ABCD3: variants seen among roughly 807,000 people sequenced by gnomAD.
ABCD3 encodes the protein ATP-binding cassette sub-family D member 3.
In ABCD3, 41 loss-of-function variants were observed where a neutral mutation model predicts 105.5. The ratio of observed to expected loss-of-function variants is 0.39; its 90% CI spans 0.30 to 0.50. ABCD3 has a LOEUF of 0.50. Among genes scored for constraint, ABCD3 ranks in the 20% least tolerant of loss-of-function variants. The probability of loss-of-function intolerance (pLI) is 0.84; values close to 1 mark genes in which losing one functional copy is unlikely to be tolerated. For missense variants in ABCD3, 622 were observed against 806.3 expected (o/e 0.77, Z 2.77); for synonymous variants, 258 against 269.0 (o/e 0.96, Z 0.40).
intron 8 of ABCD3, chr1:94,480,160 T>C: frequency 2.7e-6 from 1 of 376,690 alleles, no homozygotes; most frequent in Non-Finnish European, 4.8e-6. Context: ...TCAAGAAGAG[T>C]TCCAACAGGA....
intron 1 of ABCD3, among the ~76,000 whole-genome samples, chr1:94,438,365 T>C (rs2100907199): frequency 6.7e-6 from 1 of 150,298 alleles, no homozygotes; most frequent in East Asian, 2.0e-4. Flanking sequence ...GATGAAGAGT[T>C]GCCTCTTATG....
the ABCD3 span, among the ~76,000 whole-genome samples, chr1:94,392,982 C>T: frequency 3.5e-4 from 53 of 151,830 alleles, 2 homozygotes; most frequent in South Asian, 8.8e-3. Context: ...TGTGGTGGCG[C>T]GCACCTGTAA....
intron 13 of ABCD3, 110 bp from the exon 14 acceptor site, chr1:94,489,615 G>T (rs1020079539): frequency 5.9e-5 from 46 of 778,758 alleles, no homozygotes; most frequent in Non-Finnish European, 9.8e-5. Context: ...AGACTGTTAG[G>T]TTACTTCATT....
chr1:94,394,753 A>G, the ABCD3 span, among the ~76,000 whole-genome samples: 1 of 152,206 alleles, frequency 6.6e-6, no homozygotes, highest in Non-Finnish European at 1.5e-5. Flanking sequence ...GTTGTAACTT[A>G]GTACAAGAGA....
At chr1:94,406,356 TTACAGTCCAGTGGGTTG>T in the ABCD3 span, 1 of 223,106 alleles carries the variant, frequency 4.5e-6, no homozygotes. Flanking sequence ...TTTTTTTTTT[TTACAGTCCAGTGGGTTG>T]TTGTTGTTGT....
Position 94,512,978 on chromosome 1 carries a change from G to A in ABCD3, c.1846-2168G>A, listed in dbSNP as rs560661141. 3.2e-4 allele frequency among the ~76,000 whole-genome samples: 48 copies of A among 152,158 alleles called. 1 individual carries two copies. The highest frequency in any genetic ancestry group is 3.4e-3 in the Middle Eastern group (1 of 294). ...TGATCAGCAGCAGCAGTGTCACCTAGGGGTTTGTTAGAAATGCAGAATTTC... is the reference window on the plus strand; with the variant it reads ...TGATCAGCAGCAGCAGTGTCACCTAAGGGTTTGTTAGAAATGCAGAATTTC... On this transcript the variant is annotated intron_variant, in intron 21 of 22. Coordinates refer to ENST00000370214, the MANE Select transcript of ABCD3 (RefSeq NM_002858.4).
chr1:94,462,429 CT>C (rs1647925051), intron 2 of ABCD3, among the ~76,000 whole-genome samples: 1 of 152,108 alleles, frequency 6.6e-6, no homozygotes, highest in African/African-American at 2.4e-5. Flanking sequence ...GAATTCAGCC[CT>C]TCTGAGCCAG....
chr1:94,512,728 T>C (rs749822262), intron 21 of ABCD3, among the ~76,000 whole-genome samples: 10 of 152,102 alleles, frequency 6.6e-5, no homozygotes, highest in Admixed American at 1.3e-4. Flanking sequence ...AATTATTCAA[T>C]AGTATCAGTT....
At chr1:94,426,795 T>A (rs756323800) in intron 1 of ABCD3, among the ~76,000 whole-genome samples, 3 of 151,436 alleles carry the variant, frequency 2.0e-5, no homozygotes, top group African/African-American at 4.9e-5. Flanking sequence ...TCTGCCTACC[T>A]CGGCCTCCCA....
intron 1 of ABCD3, among the ~76,000 whole-genome samples, chr1:94,455,039 A>G (rs1012261385): frequency 1.3e-5 from 2 of 152,238 alleles, no homozygotes; most frequent in Admixed American, 1.3e-4. Context: ...GGTTATCTGA[A>G]TGACTACCAT....
At chr1:94,417,968 C>G (rs1485584639), upstream of ABCD3, among the ~76,000 whole-genome samples, 1 of 152,226 alleles carries the variant, frequency 6.6e-6, no homozygotes, top group African/African-American at 2.4e-5. Flanking sequence ...GTTTTCCCTA[C>G]ACGCTCTGTG....
intron 1 of ABCD3, among the ~76,000 whole-genome samples, chr1:94,436,939 C>G (rs561296772): frequency 1.1e-4 from 16 of 152,304 alleles, no homozygotes; most frequent in African/African-American, 3.6e-4. Flanking sequence ...GATAGAAGAT[C>G]AAACCAGCTG....
chr1:94,498,072 AAATTTATTTATT>A (rs1388922784), intron 16 of ABCD3, among the ~76,000 whole-genome samples: 1 of 152,054 alleles, frequency 6.6e-6, no homozygotes, highest in African/African-American at 2.4e-5. Context: ...ATCAGTCAGT[AAATTTATTTATT>A]TATACATGTA....
chr1:94,458,489 G>A, intron 1 of ABCD3, 118 bp from the exon 2 acceptor site: 1 of 867,230 alleles, frequency 1.2e-6, no homozygotes, highest in Non-Finnish European at 1.9e-6. Flanking sequence ...ATCTCACTAT[G>A]ATGTGAAAAA....
At chr1:94,508,261 T>A (rs1650465737) in intron 21 of ABCD3, among the ~76,000 whole-genome samples, 1 of 152,232 alleles carries the variant, frequency 6.6e-6, no homozygotes, top group African/African-American at 2.4e-5. Context: ...GCTTTCCCCA[T>A]TGCTTGTTTT....
intron 9 of ABCD3, chr1:94,482,955 CAT>C: frequency 1.8e-6 from 1 of 549,314 alleles, no homozygotes; most frequent in Non-Finnish European, 3.3e-6. Context: ...TGCAGTCCAG[CAT>C]ATGATTCAGT....
intron 20 of ABCD3, among the ~76,000 whole-genome samples, chr1:94,505,168 A>G (rs1196026844): frequency 6.6e-6 from 1 of 152,108 alleles, no homozygotes; most frequent in Non-Finnish European, 1.5e-5. Context: ...TCAAAGAGGA[A>G]TTTTTATTTT....
chr1:94,482,947 C>T, intron 9 of ABCD3: 1 of 527,402 alleles, frequency 1.9e-6, no homozygotes, highest in Non-Finnish European at 3.4e-6. Flanking sequence ...CCATAGGTTG[C>T]AGTCCAGCAT....
At position 94,434,612 on chromosome 1, in the gene ABCD3, A is replaced by G. The variant is rs12063347; in HGVS notation, c.110+16024A>G. ...TAATCTTATGGGACCACTGTTGTGT[A>G]TGCATTTTTCACTGAAATGTTATGC... On this transcript the variant is annotated intron_variant, in intron 1 of 22. Coordinates refer to ENST00000370214, the MANE Select transcript of ABCD3 (RefSeq NM_002858.4). Among the ~76,000 whole-genome samples, 470 of 152,272 alleles carry G rather than the reference A, an allele frequency of 3.1e-3. 4 individuals are homozygous for G. Among genetic ancestry groups the G allele is most frequent in the African/African-American group, 0.011 (446 of 41,540 alleles).
Sources: allele counts gnomAD v4.1 joint callset (sites outside exome capture counted in the v4.1 genomes callset), GRCh38; gene constraint gnomAD v4.1.1; transcripts MANE v1.5; gene names NCBI Gene and HGNC (gene_info 2026-07-23, HGNC 2026-07-21).